The following ABAT variants were observed in gnomAD, a reference collection of about 807,000 sequenced individuals.
The protein encoded by ABAT is 4-aminobutyrate aminotransferase, mitochondrial.
Under a neutral mutation model 64.6 loss-of-function variants are expected in ABAT, and 45 were observed. That is an observed-to-expected ratio of 0.70 (90% CI 0.55 to 0.89). The LOEUF (loss-of-function observed/expected upper bound fraction) is 0.89, where lower values mean the gene tolerates loss of function less well. Among genes scored for constraint, ABAT ranks in the 40% least tolerant of loss-of-function variants. The pLI is 0.00. For synonymous variants in ABAT, 297 were observed against 250.5 expected, an observed-to-expected ratio of 1.19 and a Z score of -1.75; for missense variants, 633 against 658.4, an observed-to-expected ratio of 0.96 and a Z score of 0.42.
At chr16:8,696,202 G>C (rs1198678290) in intron 1 of ABAT, among the ~76,000 whole-genome samples, 1 of 152,182 alleles carries the variant, frequency 6.6e-6, no homozygotes, top group African/African-American at 2.4e-5. Flanking sequence ...GGTTCCTACT[G>C]TTGCACTCCA....
chr16:8,738,629 T>G lies in ABAT; in HGVS notation c.70+2820T>G, dbSNP rs553914591. 1.1e-4 allele frequency among the ~76,000 whole-genome samples: 16 copies of G among 139,714 alleles called. 3 individuals are homozygous for G. The highest frequency in any genetic ancestry group is 4.8e-4 in the African/African-American group (16 of 33,438). 91.7% of individuals were successfully genotyped at this position (139,714 alleles called of 152,430 possible). A position where few individuals can be genotyped will look rare whatever the true frequency, so the allele number is the denominator to read the frequency against. ...GTTTTTGTTTTTGTTTTTGTTTTTG[T>G]TTTTTTTTTGGTGTGTGTGTATGTG... On this transcript the variant is annotated intron_variant, in intron 2 of 15. Transcript: ENST00000268251.
At chr16:8,729,225 C>CT (rs1373122549) in intron 1 of ABAT, among the ~76,000 whole-genome samples, 1 of 151,988 alleles carries the variant, frequency 6.6e-6, no homozygotes, top group Non-Finnish European at 1.5e-5. Flanking sequence ...TGGCCTGACC[C>CT]TGGGGGAGGC....
intron 5 of ABAT, among the ~76,000 whole-genome samples, chr16:8,751,935 G>C (rs2059499368): frequency 6.6e-6 from 1 of 152,182 alleles, no homozygotes. Flanking sequence ...TGTTTCTTTG[G>C]CTGATGGATT....
intron 5 of ABAT, among the ~76,000 whole-genome samples, chr16:8,754,666 A>ATTTCTTTCTTTC (rs1189573096): frequency 3.2e-3 from 37 of 11,648 alleles, no homozygotes; most frequent in Admixed American, 5.9e-3. Context: ...AAGTTGATTT[A>ATTTCTTTCTTTC]TTTATTTCTT....
At chr16:8,745,319 G>C (rs2142604281) in intron 2 of ABAT, among the ~76,000 whole-genome samples, 1 of 152,250 alleles carries the variant, frequency 6.6e-6, no homozygotes, top group African/African-American at 2.4e-5. Flanking sequence ...GATGAATATT[G>C]TCTACCTCCA....
At chr16:8,721,870 C>G (rs986762579) in intron 1 of ABAT, among the ~76,000 whole-genome samples, 4 of 152,070 alleles carry the variant, frequency 2.6e-5, no homozygotes, top group African/African-American at 7.2e-5. Flanking sequence ...AGAAAAAGGA[C>G]GAGGAGAGGT....
chr16:8,717,921 C>T (rs140316884), intron 1 of ABAT, among the ~76,000 whole-genome samples: 79 of 152,104 alleles, frequency 5.2e-4, no homozygotes, highest in African/African-American at 1.8e-3. Flanking sequence ...TCCCAACATG[C>T]TGGGATTACA....
chr16:8,774,413 G>T lies in ABAT; in HGVS notation c.955-477G>T, dbSNP rs574677162. On this transcript the variant is annotated intron_variant, in intron 12 of 15. Coordinates refer to ENST00000268251, the MANE Select transcript of ABAT (RefSeq NM_020686.6). ...TTAATGTCTTGTGCATATATAACTG[G>T]CAATCAAACCGATAAGTTCACAGAT... Among the ~76,000 whole-genome samples the T allele has an allele frequency of 1.4e-4, 21 of 152,166 alleles. No individual in the cohort carries two copies. In the East Asian group the frequency reaches 4.1e-3, roughly 29 times the overall value.
At chr16:8,712,743 T>C (rs1172817527) in intron 1 of ABAT, 2 of 152,132 alleles carry the variant, frequency 1.3e-5, no homozygotes, top group South Asian at 2.1e-4. Context: ...GATGCCGGTA[T>C]CTGGCTTGTA....
intron 2 of ABAT, among the ~76,000 whole-genome samples, chr16:8,741,987 T>C (rs199528548): frequency 1.3e-5 from 2 of 152,368 alleles, no homozygotes; most frequent in Admixed American, 6.5e-5. Context: ...AGACTGAATA[T>C]GTGTTAATTT....
At chr16:8,682,317 T>A (rs893706405) in intron 1 of ABAT, among the ~76,000 whole-genome samples, 2 of 152,038 alleles carry the variant, frequency 1.3e-5, no homozygotes, top group Admixed American at 1.3e-4. Context: ...CCTTTGTTGG[T>A]TGGCTAGATT....
At chr16:8,729,594 G>C (rs1378632038) in intron 1 of ABAT, among the ~76,000 whole-genome samples, 1 of 152,066 alleles carries the variant, frequency 6.6e-6, no homozygotes, top group Non-Finnish European at 1.5e-5. Flanking sequence ...CAAGATGGGA[G>C]GATCATTTGA....
At position 8,781,181 on chromosome 16, in the gene ABAT, A is replaced by G. The variant is rs577743267; in HGVS notation, c.1382-128A>G. 5.5e-6 allele frequency: 8 copies of G among 1,448,952 alleles called. No individual in the cohort carries two copies. In the East Asian group the frequency reaches 1.9e-4, roughly 34 times the overall value. 89.8% of individuals were successfully genotyped at this position (1,448,952 alleles called of 1,614,324 possible). A position where few individuals can be genotyped will look rare whatever the true frequency, so the allele number is the denominator to read the frequency against. ...TAGGAAGGAAGCCCGGGCTTCCATGATGGAGGATGATGGATGGATGGATGG... is the reference window on the plus strand; with the variant it reads ...TAGGAAGGAAGCCCGGGCTTCCATGGTGGAGGATGATGGATGGATGGATGG... On this transcript the variant is annotated intron_variant, in intron 15 of 15. Coordinates refer to ENST00000268251, the MANE Select transcript of ABAT (RefSeq NM_020686.6). This position sits in a 1 kb window ranked among gnomAD's most constrained non-coding sequence, Gnocchi z 4.5.
intron 1 of ABAT, among the ~76,000 whole-genome samples, chr16:8,699,220 G>C (rs887111875): frequency 7.9e-5 from 12 of 152,194 alleles, no homozygotes; most frequent in African/African-American, 2.7e-4. Context: ...AGGTCACAGA[G>C]GGAAGAGATT....
chr16:8,683,462 G>A (rs1423163078), intron 1 of ABAT: 1 of 151,868 alleles, frequency 6.6e-6, no homozygotes, highest in Non-Finnish European at 1.5e-5. Context: ...AACAGAGCAG[G>A]TCAAAACTCC....
In ABAT at chr16:8,680,669, C is replaced by T. The variant is rs551559387; in HGVS notation, c.-42+5958C>T. 4.8e-3 allele frequency among the ~76,000 whole-genome samples: 727 copies of T among 152,296 alleles called. 7 individuals carry two copies. The highest frequency in any genetic ancestry group is 0.014 in the African/African-American group (581 of 41,560). On this transcript the variant is annotated intron_variant, in intron 1 of 15. Transcript: ENST00000268251. ...TCTTGAACTACTGACCTCAAGTGAT[C>T]CGCCTGCCTCGGCTTCCCAAAGTGC...
At chr16:8,704,332 A>G (rs191776795) in intron 1 of ABAT, among the ~76,000 whole-genome samples, 33 of 152,324 alleles carry the variant, frequency 2.2e-4, no homozygotes, top group South Asian at 4.1e-4. Context: ...AAGTTACTCA[A>G]TAGTTGTTTT....
chr16:8,742,075 G>A (rs1057128128), intron 2 of ABAT, among the ~76,000 whole-genome samples: 20 of 152,156 alleles, frequency 1.3e-4, no homozygotes, highest in Admixed American at 1.3e-3. Context: ...ACAGTTCTCG[G>A]AACAGACCCA....
At chr16:8,707,212 G>T (rs967852758) in intron 1 of ABAT, among the ~76,000 whole-genome samples, 1 of 151,940 alleles carries the variant, frequency 6.6e-6, no homozygotes, top group Non-Finnish European at 1.5e-5. Flanking sequence ...TTTGAGACCA[G>T]GTCTCCCTCT....
Sources: allele counts gnomAD v4.1 joint callset (sites outside exome capture counted in the v4.1 genomes callset), GRCh38; gene constraint gnomAD v4.1.1; non-coding constraint Gnocchi (gnomAD v3.1); transcripts MANE v1.5; gene names NCBI Gene and HGNC (gene_info 2026-07-23, HGNC 2026-07-21).